SGCD: variants seen among roughly 807,000 people sequenced by gnomAD.
SGCD encodes the protein delta-sarcoglycan.
A neutral mutation model predicts 36.6 loss-of-function variants in SGCD; 18 were observed. That is an observed-to-expected ratio of 0.49 (90% CI 0.34 to 0.73). The LOEUF (loss-of-function observed/expected upper bound fraction) is 0.73, where lower values mean the gene tolerates loss of function less well. SGCD is among the 30% of genes least tolerant of loss of function. SGCD has a pLI of 0.01. For synonymous variants in SGCD, 133 were observed against 130.6 expected (o/e 1.02, Z -0.12); for missense variants, 387 against 346.7 (o/e 1.12, Z -0.92).
At chr5:156,726,273 C>T (rs985855223) in intron 7 of SGCD, among the ~76,000 whole-genome samples, 1 of 152,160 alleles carries the variant, frequency 6.6e-6, no homozygotes, top group Non-Finnish European at 1.5e-5. Context: ...GTTTGTCTCT[C>T]CTGAAAATAG....
chr5:156,108,320 T>G (rs1761699094), intron 1 of SGCD, among the ~76,000 whole-genome samples: 1 of 152,150 alleles, frequency 6.6e-6, no homozygotes, highest in South Asian at 2.1e-4. Context: ...ATGTATAGGA[T>G]TTAACAGTTT....
intron 3 of SGCD, among the ~76,000 whole-genome samples, chr5:156,159,803 A>G (rs1763048568): frequency 6.6e-6 from 1 of 151,648 alleles, no homozygotes; most frequent in Non-Finnish European, 1.5e-5. Flanking sequence ...TATTTAATAT[A>G]TTGTAAGCAT....
At chr5:156,134,990 G>C (rs1467697173) in intron 3 of SGCD, among the ~76,000 whole-genome samples, 1 of 152,072 alleles carries the variant, frequency 6.6e-6, no homozygotes, top group African/African-American at 2.4e-5. Flanking sequence ...CATTATAATT[G>C]TATTTACAAG....
intron 4 of SGCD, among the ~76,000 whole-genome samples, chr5:156,532,607 C>T (rs1395264140): frequency 6.6e-6 from 1 of 152,090 alleles, no homozygotes; most frequent in African/African-American, 2.4e-5. Flanking sequence ...ACCACAGGCA[C>T]CCACCACCAT....
At chr5:156,295,609 G>A (rs1189600042) in intron 3 of SGCD, among the ~76,000 whole-genome samples, 1 of 152,134 alleles carries the variant, frequency 6.6e-6, no homozygotes, top group Non-Finnish European at 1.5e-5. Context: ...CTCTCACCCT[G>A]CACTGGCAGG....
intron 3 of SGCD, among the ~76,000 whole-genome samples, chr5:156,354,375 AAG>A (rs1021073436): frequency 6.6e-6 from 1 of 152,222 alleles, no homozygotes; most frequent in Admixed American, 6.5e-5. Context: ...CTGGAGGGGA[AAG>A]AGGGGATGGG....
At chr5:155,921,684 G>A (rs2113375589) in intron 1 of SGCD, among the ~76,000 whole-genome samples, 1 of 152,226 alleles carries the variant, frequency 6.6e-6, no homozygotes, top group Non-Finnish European at 1.5e-5. Context: ...CCTGAACTCA[G>A]GCAAAAAGCA....
intron 4 of SGCD, among the ~76,000 whole-genome samples, chr5:156,530,825 A>T (rs921774762): frequency 6.6e-6 from 1 of 151,856 alleles, no homozygotes; most frequent in Non-Finnish European, 1.5e-5. Context: ...TGATCCACCC[A>T]TCTCGGCCTC....
At chr5:155,819,677 T>G in the SGCD span, among the ~76,000 whole-genome samples, 1 of 152,192 alleles carries the variant, frequency 6.6e-6, no homozygotes, top group African/African-American at 2.4e-5. Flanking sequence ...ACCCAGGAAG[T>G]CCGACTGAGC....
the SGCD span, among the ~76,000 whole-genome samples, chr5:155,741,400 G>A: frequency 5.3e-4 from 81 of 152,278 alleles, 1 homozygote; most frequent in South Asian, 0.016. Context: ...GTTTTGCGGG[G>A]CCATTTCCAA....
In SGCD at chr5:156,764,753, G is replaced by A. The variant is rs1342440448; in HGVS notation, c.*5363G>A. 6.6e-6 allele frequency: 1 copy of A among 152,178 alleles called. No individual in the cohort carries two copies. The highest frequency in any genetic ancestry group is 1.5e-5 in the Non-Finnish European group (1 of 68,044). The allele number at this position is 152,178 out of a possible 1,614,324, so 9.4% of individuals were successfully genotyped here. A position where few individuals can be genotyped will look rare whatever the true frequency, so the allele number is the denominator to read the frequency against. On this transcript the variant is annotated 3_prime_UTR_variant, in exon 9 of 9. Coordinates refer to ENST00000337851, the MANE Select transcript of SGCD (RefSeq NM_000337.6). ...TCATGAGCCCTTGATGCAATAGTAA[G>A]TGTGATGTCATCATACAGTGTTAAT...
intron 4 of SGCD, among the ~76,000 whole-genome samples, chr5:156,517,625 A>G (rs1330528882): frequency 6.6e-6 from 1 of 152,240 alleles, no homozygotes; most frequent in African/African-American, 2.4e-5. Context: ...AAAGAAGCCC[A>G]TCAGACTAAC....
chr5:156,619,086 C>T (rs558033332), intron 6 of SGCD, among the ~76,000 whole-genome samples: 37 of 150,284 alleles, frequency 2.5e-4, no homozygotes, highest in African/African-American at 7.4e-4. Flanking sequence ...AGTGCAGTGG[C>T]GCCATCTTGG....
intron 1 of SGCD, among the ~76,000 whole-genome samples, chr5:156,034,290 A>C (rs1258737093): frequency 6.6e-6 from 1 of 152,206 alleles, no homozygotes; most frequent in African/African-American, 2.4e-5. Flanking sequence ...TGTTCTGATG[A>C]ACCTTCCTCC....
chr5:155,912,577 T>C (rs1756651723), intron 1 of SGCD, among the ~76,000 whole-genome samples: 1 of 152,054 alleles, frequency 6.6e-6, no homozygotes, highest in Non-Finnish European at 1.5e-5. Context: ...AATTCATATA[T>C]TTTTTGTGTG....
chr5:156,528,324 T>C (rs1456871230), intron 4 of SGCD, among the ~76,000 whole-genome samples: 1 of 152,228 alleles, frequency 6.6e-6, no homozygotes, highest in Non-Finnish European at 1.5e-5. Flanking sequence ...GCTTATGGAA[T>C]AGTGCATTGG....
At chr5:155,847,967 A>G in the SGCD span, among the ~76,000 whole-genome samples, 3 of 152,190 alleles carry the variant, frequency 2.0e-5, no homozygotes, top group Admixed American at 1.3e-4. Context: ...ACGTTTGTGA[A>G]TGATATATTC....
At chr5:155,816,600 T>C in the SGCD span, among the ~76,000 whole-genome samples, 1 of 152,150 alleles carries the variant, frequency 6.6e-6, no homozygotes, top group Non-Finnish European at 1.5e-5. Flanking sequence ...TGTTCAAGGG[T>C]CAACTGTAAT....
intron 1 of SGCD, among the ~76,000 whole-genome samples, chr5:155,981,553 C>A (rs1758229458): frequency 2.0e-5 from 3 of 152,144 alleles, no homozygotes; most frequent in Admixed American, 2.0e-4. Flanking sequence ...TGGGTGGCCC[C>A]AATGTTCATG....
Sources: allele counts gnomAD v4.1 joint callset (sites outside exome capture counted in the v4.1 genomes callset), GRCh38; gene constraint gnomAD v4.1.1; transcripts MANE v1.5; gene names NCBI Gene and HGNC (gene_info 2026-07-23, HGNC 2026-07-21).